CHODL: variants seen among roughly 807,000 people sequenced by gnomAD.
CHODL encodes the protein transmembrane protein MT75.
CHODL carries 29 observed loss-of-function variants against 34.5 expected under a neutral mutation model. The observed-to-expected ratio is 0.84, with a 90% CI of 0.63 to 1.15. The LOEUF (loss-of-function observed/expected upper bound fraction) is 1.15. Among genes scored for constraint, CHODL ranks in the 50% most tolerant of loss-of-function variants. The probability of loss-of-function intolerance (pLI) is 0.00; values close to 1 mark genes in which losing one functional copy is unlikely to be tolerated. For synonymous variants in CHODL, 125 were observed against 116.1 expected (o/e 1.08, Z -0.49); for missense variants, 332 against 332.5 (o/e 1.00, Z 0.01).
intron 1 of CHODL, among the ~76,000 whole-genome samples, chr21:17,923,717 T>C (rs1048058079): frequency 1.3e-5 from 2 of 152,088 alleles, no homozygotes; most frequent in African/African-American, 4.8e-5. Context: ...CACCTCAGCC[T>C]CCCAAAGTAC....
At chr21:17,969,586 G>A (rs1285099542) in intron 1 of CHODL, among the ~76,000 whole-genome samples, 2 of 152,188 alleles carry the variant, frequency 1.3e-5, no homozygotes, top group Non-Finnish European at 2.9e-5. Flanking sequence ...TAGTGACAGT[G>A]TATACCATTT....
At chr21:17,938,145 C>T (rs982968965) in intron 1 of CHODL, among the ~76,000 whole-genome samples, 10 of 152,098 alleles carry the variant, frequency 6.6e-5, no homozygotes, top group Non-Finnish European at 1.3e-4. Context: ...TTTATTGTTA[C>T]GACCACCTTA....
intron 1 of CHODL, among the ~76,000 whole-genome samples, chr21:17,919,293 C>G (rs1469270773): frequency 6.6e-6 from 1 of 152,198 alleles, no homozygotes; most frequent in African/African-American, 2.4e-5. Flanking sequence ...TCCATGAGCA[C>G]TCTGCCCCTG....
At chr21:18,002,905 T>C (rs891463985) in intron 1 of CHODL, among the ~76,000 whole-genome samples, 3 of 151,860 alleles carry the variant, frequency 2.0e-5, no homozygotes, top group East Asian at 1.9e-4. Context: ...GGGCGGATCA[T>C]AAGGTCAGGA....
intron 1 of CHODL, among the ~76,000 whole-genome samples, chr21:18,027,154 A>G (rs1441150294): frequency 1.3e-5 from 2 of 152,052 alleles, no homozygotes; most frequent in Non-Finnish European, 2.9e-5. Flanking sequence ...CATGCCTCTC[A>G]TTCTAGCTAC....
At chr21:18,205,737 CTTT>C (rs56091373) in intron 2 of CHODL, among the ~76,000 whole-genome samples, 20 of 127,136 alleles carry the variant, frequency 1.6e-4, no homozygotes, top group Admixed American at 1.6e-4. Context: ...AAGGAGTATA[CTTT>C]TTTTTTTTTT....
At chr21:18,018,405 G>A (rs1348740582) in intron 1 of CHODL, among the ~76,000 whole-genome samples, 1 of 152,142 alleles carries the variant, frequency 6.6e-6, no homozygotes, top group Non-Finnish European at 1.5e-5. Context: ...TCATGGGGGT[G>A]AATCCCTCAT....
chr21:18,265,918 T>C, intron 5 of CHODL, 36 bp from the exon 6 acceptor site: 3 of 1,575,592 alleles, frequency 1.9e-6, no homozygotes, highest in South Asian at 1.1e-5. Flanking sequence ...TAATAAGAAA[T>C]TTTAGGCACT....
chr21:17,995,717 C>T (rs2146393508), intron 1 of CHODL, among the ~76,000 whole-genome samples: 1 of 152,348 alleles, frequency 6.6e-6, no homozygotes, highest in Non-Finnish European at 1.5e-5. Context: ...ACTGTACCTA[C>T]ATCTTTAGGT....
intron 1 of CHODL, among the ~76,000 whole-genome samples, chr21:18,014,719 C>T (rs1442546538): frequency 6.6e-6 from 1 of 152,204 alleles, no homozygotes; most frequent in Non-Finnish European, 1.5e-5. Flanking sequence ...TGTGCTTACT[C>T]CTGCTTTGTC....
chr21:18,146,429 T>C (rs1026939661), intron 2 of CHODL, among the ~76,000 whole-genome samples: 5 of 152,124 alleles, frequency 3.3e-5, no homozygotes, highest in Admixed American at 6.5e-5. Flanking sequence ...GATTGGGTCA[T>C]GGAGGTGGTT....
At chr21:17,961,254 C>T (rs1016365025) in intron 1 of CHODL, among the ~76,000 whole-genome samples, 2 of 152,180 alleles carry the variant, frequency 1.3e-5, no homozygotes, top group Non-Finnish European at 2.9e-5. Context: ...GAGAATTAAG[C>T]TCATGACCAT....
chr21:18,009,161 T>C (rs143896654), intron 1 of CHODL, among the ~76,000 whole-genome samples: 35 of 152,332 alleles, frequency 2.3e-4, no homozygotes, highest in African/African-American at 8.4e-4. Context: ...ATTTTTTTCA[T>C]GAATACAATT....
chr21:18,253,873 G>A (rs1032670265), intron 1 of CHODL, among the ~76,000 whole-genome samples: 2 of 152,088 alleles, frequency 1.3e-5, no homozygotes, highest in Non-Finnish European at 2.9e-5. Flanking sequence ...CCAGATCACG[G>A]TCACGAAACA....
rs112278777 is a variant in CHODL at position 18,245,617 on chromosome 21, G to T, written c.79+315G>T. On this transcript the variant is annotated intron_variant, in intron 1 of 5. Transcript: ENST00000299295. ...TTGTGAGAGAGTTGACCACACGGCC[G>T]GGCTCAGCACCTGCCAAAGGGGTGG... Among the ~76,000 whole-genome samples the T allele has an allele frequency of 4.5e-4, 69 of 152,172 alleles. 1 individual carries two copies. The highest frequency in any genetic ancestry group is 1.4e-3 in the Admixed American group (21 of 15,272).
At chr21:18,100,095 T>A (rs1334965456) in intron 2 of CHODL, 3 of 151,812 alleles carry the variant, frequency 2.0e-5, no homozygotes, top group African/African-American at 7.3e-5. Context: ...AAAATAAAAA[T>A]AAATAAGTTA....
chr21:18,162,871 G>C (rs1411823656), intron 2 of CHODL, among the ~76,000 whole-genome samples: 1 of 152,058 alleles, frequency 6.6e-6, no homozygotes, highest in Non-Finnish European at 1.5e-5. Context: ...AAACTCCTGG[G>C]CTCAAGAGAC....
At chr21:18,158,537 C>T (rs537992209) in intron 2 of CHODL, among the ~76,000 whole-genome samples, 51 of 152,102 alleles carry the variant, frequency 3.4e-4, no homozygotes, top group Non-Finnish European at 7.1e-4. Flanking sequence ...AGAAAAATGA[C>T]ATTTCAAGAA....
chr21:17,979,904 A>G (rs1167360247), intron 1 of CHODL, among the ~76,000 whole-genome samples: 3 of 152,138 alleles, frequency 2.0e-5, no homozygotes, highest in Non-Finnish European at 4.4e-5. Flanking sequence ...AAGTAGTTCA[A>G]GGTTAAACAG....
Sources: allele counts gnomAD v4.1 joint callset (sites outside exome capture counted in the v4.1 genomes callset), GRCh38; gene constraint gnomAD v4.1.1; transcripts MANE v1.5; gene names NCBI Gene and HGNC (gene_info 2026-07-23, HGNC 2026-07-21).